ABCA8: variants seen among roughly 807,000 people sequenced by gnomAD.
ABCA8 encodes ABC-type organic anion transporter ABCA8.
Under a neutral mutation model 192.3 loss-of-function variants are expected in ABCA8, and 177 were observed. The observed-to-expected ratio is 0.92, with a 90% CI of 0.81 to 1.04. The LOEUF is 1.04. Ranked by LOEUF, ABCA8 falls within the 50% of genes least tolerant of loss-of-function variation. The probability of loss-of-function intolerance (pLI) is 0.00; values close to 1 mark genes in which losing one functional copy is unlikely to be tolerated. For synonymous variants in ABCA8, 642 were observed against 690.2 expected (o/e 0.93, Z 1.09); for missense variants, 1,915 against 1,904.8 (o/e 1.01, Z -0.10).
intron 1 of ABCA8, among the ~76,000 whole-genome samples, chr17:68,953,270 T>C (rs1354130984): frequency 6.6e-6 from 1 of 152,190 alleles, no homozygotes; most frequent in East Asian, 1.9e-4. Flanking sequence ...CTGAAGACCA[T>C]CATTTGGCTC....
chr17:68,919,608 G>C (rs745569058), intron 13 of ABCA8, 132 bp from the exon 14 acceptor site: 27 of 753,818 alleles, frequency 3.6e-5, no homozygotes, highest in Non-Finnish European at 5.2e-5. Context: ...TTCTACTTTA[G>C]TTGCATAGTA....
intron 10 of ABCA8, 61 bp from the exon 11 acceptor site, chr17:68,924,930 C>G (rs1350672893): frequency 1.9e-6 from 3 of 1,550,864 alleles, no homozygotes; most frequent in South Asian, 1.2e-5. Flanking sequence ...GAGAGAGTCA[C>G]AGTAATGTAG....
chr17:68,879,897 G>A (rs2066290274), intron 32 of ABCA8: 1 of 152,218 alleles, frequency 6.6e-6, no homozygotes, highest in African/African-American at 2.4e-5. Context: ...TGGACTTGCA[G>A]GTGCACCTCA....
rs1343101396 is a variant in ABCA8 at position 68,924,708 on chromosome 17, C to T, written c.1435G>A (p.Ala479Thr). 8 of 1,612,844 alleles carry T rather than the reference C, an allele frequency of 5.0e-6. No individual in the cohort carries two copies. Among genetic ancestry groups the T allele is most frequent in the East Asian group, 4.5e-5 (2 of 44,862 alleles). The change falls in exon 11 of 40, where the codon GCC becomes ACC. Residue 479 changes from alanine to threonine, a missense_variant. Physicochemically the swap from Ala to Thr is moderately conservative, Grantham distance 58. Transcript: ENST00000586539. ...CACCTGCAGCCTTATTACCTGATGG[C>T]TTCTTTCCCTTGGAATTCTGGAGGC... ...QAPPEFQGKE[A>T]IRIRNVTKEY...
chr17:68,940,094 A>T (rs919167607), intron 4 of ABCA8, among the ~76,000 whole-genome samples: 3 of 152,130 alleles, frequency 2.0e-5, no homozygotes, highest in African/African-American at 7.2e-5. Flanking sequence ...CTCTAATTTC[A>T]GAGCATTGTT....
At position 68,887,924 on chromosome 17, in the gene ABCA8, AT is replaced by A. The variant is rs374950686; in HGVS notation, c.3145-419del. Among the ~76,000 whole-genome samples the A allele has an allele frequency of 8.1e-3, 68 of 8,424 alleles. 2 individuals are homozygous for A. The highest frequency in any genetic ancestry group is 0.062 in the Middle Eastern group (1 of 16). 5.5% of individuals were successfully genotyped at this position (8,424 alleles called of 152,430 possible). On this transcript the variant is annotated intron_variant, in intron 24 of 39. Coordinates refer to ENST00000586539, the MANE Select transcript of ABCA8 (RefSeq NM_001288985.2). The stretch of plus-strand genomic sequence containing the variant: ...TATATATATCCATATATATATATAT[AT>A]TATATATGGATATATATATTATATA...
At chr17:68,950,948 G>A (rs771692034) in intron 1 of ABCA8, among the ~76,000 whole-genome samples, 3 of 152,186 alleles carry the variant, frequency 2.0e-5, no homozygotes, top group Non-Finnish European at 4.4e-5. Context: ...TCAGCCTCCC[G>A]AGACCTTGAG....
At position 68,944,316 on chromosome 17, in the gene ABCA8, TTATA is replaced by T. The variant is rs1177610587; in HGVS notation, c.-5-2281_-5-2278del. On this transcript the variant is annotated intron_variant, in intron 2 of 39. Coordinates refer to ENST00000586539, the MANE Select transcript of ABCA8 (RefSeq NM_001288985.2). ...AGCACATGTAGCCCAGAACTTAAAG[TTATA>T]TATATATATATATATATATATATAT... Among the ~76,000 whole-genome samples, 256 of 29,212 alleles carry T rather than the reference TTATA, an allele frequency of 8.8e-3. 1 individual carries two copies. Among genetic ancestry groups the T allele is most frequent in the East Asian group, 0.034 (42 of 1,252 alleles). The allele number at this position is 29,212 out of a possible 152,430, so 19.2% of individuals were successfully genotyped here. A position where few individuals can be genotyped will look rare whatever the true frequency, so the allele number is the denominator to read the frequency against.
At position 68,888,001 on chromosome 17, in the gene ABCA8, T is replaced by C. The variant is rs548358942; in HGVS notation, c.3145-495A>G. On this transcript the variant is annotated intron_variant, in intron 24 of 39. Transcript: ENST00000586539. ...ATATGGATATATACACACACACACA[T>C]ATATATGGATATATATATGGAGTGT... Among the ~76,000 whole-genome samples the C allele has an allele frequency of 2.3e-3, 330 of 141,500 alleles. 2 individuals are homozygous for C. The highest frequency in any genetic ancestry group is 8.5e-3 in the African/African-American group (319 of 37,670). The allele number at this position is 141,500 out of a possible 152,430, so 92.8% of individuals were successfully genotyped here.
intron 1 of ABCA8, among the ~76,000 whole-genome samples, chr17:68,954,245 A>G (rs551325472): frequency 4.6e-5 from 6 of 131,562 alleles, no homozygotes; most frequent in Non-Finnish European, 7.7e-5. Context: ...CACCTCATGC[A>G]CAAGCCCAAA....
At chr17:68,938,080 C>T (rs1446280599) in intron 4 of ABCA8, among the ~76,000 whole-genome samples, 1 of 152,246 alleles carries the variant, frequency 6.6e-6, no homozygotes, top group African/African-American at 2.4e-5. Flanking sequence ...AGAGCAGACA[C>T]GTCTCAGGGC....
At chr17:68,903,019 C>T in intron 20 of ABCA8, 140 bp from the exon 21 acceptor site, 2 of 814,014 alleles carry the variant, frequency 2.5e-6, no homozygotes, top group South Asian at 2.0e-5. Flanking sequence ...GTATTTTGTC[C>T]TTTTACTAAC....
At chr17:68,880,679 G>A (rs1433885901) in intron 32 of ABCA8, 5 of 176,420 alleles carry the variant, frequency 2.8e-5, no homozygotes, top group African/African-American at 1.2e-4. Flanking sequence ...CCAGTGCCTG[G>A]AGCAGCCTGC....
At position 68,885,392 on chromosome 17, in the gene ABCA8, A is replaced by G. The variant is rs1328713548; in HGVS notation, c.3430-77T>C. 3 of 1,385,588 alleles carry G rather than the reference A, an allele frequency of 2.2e-6. No individual in the cohort carries two copies. The African/African-American group carries it at 4.4e-5, about 20-fold the overall frequency. 85.8% of individuals were successfully genotyped at this position (1,385,588 alleles called of 1,614,324 possible). ...CAAATCGAGATGGCTCATCTTGAAG[A>G]TATTACTAATTTCAACTCCAATCTT... On this transcript the variant is annotated intron_variant, in intron 26 of 39. Coordinates refer to ENST00000586539, the MANE Select transcript of ABCA8 (RefSeq NM_001288985.2).
At chr17:68,894,829 A>T (rs1185734107) in intron 22 of ABCA8, 51 bp downstream of exon 22, 1 of 1,554,594 alleles carries the variant, frequency 6.4e-7, no homozygotes, top group Non-Finnish European at 8.7e-7. Context: ...GTATATTGAT[A>T]TTATGTTAGC....
Position 68,875,417 on chromosome 17 carries a change from T to G in ABCA8, c.4491-17A>C. On this transcript the variant is annotated splice_polypyrimidine_tract_variant and intron_variant, in intron 36 of 39. Transcript: ENST00000586539. The stretch of plus-strand genomic sequence containing the variant: ...CCGATACATCTGGAGGATGAGGTCA[T>G]ATGAGAAAGGAGAAAAAAAAAACCA... The G allele has an allele frequency of 6.2e-7, 1 of 1,612,356 alleles. No individual in the cohort carries two copies.
chr17:68,897,100 T>A (rs1406707755), intron 21 of ABCA8, among the ~76,000 whole-genome samples: 1 of 152,180 alleles, frequency 6.6e-6, no homozygotes, highest in African/African-American at 2.4e-5. Flanking sequence ...TGTAATTGGA[T>A]CAAACTGTGG....
At chr17:68,910,288 T>C (rs555718911) in intron 17 of ABCA8, among the ~76,000 whole-genome samples, 58 of 152,338 alleles carry the variant, frequency 3.8e-4, no homozygotes, top group East Asian at 7.7e-4. Flanking sequence ...AGCAGCTGTG[T>C]GGCACAGAGA....
At position 68,882,634 on chromosome 17, in the gene ABCA8, T is replaced by C; in HGVS notation, c.3793A>G (p.Thr1265Ala). The C allele has an allele frequency of 6.2e-7, 1 of 1,612,844 alleles. No individual in the cohort carries two copies. Among genetic ancestry groups the C allele is most frequent in the Non-Finnish European group, 8.5e-7 (1 of 1,179,484 alleles). ...DEDVQMERVRTANALNSTNFD... is the reference protein window; with the variant it reads ...DEDVQMERVRAANALNSTNFD... ...TTAGTAGAATTCAAGGCATTTGCTG[T>C]TCTCACTCTTTCCATCTGAACATCT... The change falls in exon 30 of 40, where the codon ACA (threonine) becomes GCA (alanine). Residue 1265 changes from threonine to alanine, a missense_variant. Coordinates refer to ENST00000586539, the MANE Select transcript of ABCA8 (RefSeq NM_001288985.2).
Sources: allele counts gnomAD v4.1 joint callset (sites outside exome capture counted in the v4.1 genomes callset), GRCh38; gene constraint gnomAD v4.1.1; transcripts MANE v1.5; gene names NCBI Gene and HGNC (gene_info 2026-07-23, HGNC 2026-07-21).